Variants in DGKB observed in about 807,000 individuals in gnomAD.
DGKB encodes diacylglycerol kinase beta.
DGKB carries 67 observed loss-of-function variants against 114.3 expected under a neutral mutation model. The observed-to-expected ratio is 0.59, with a 90% CI of 0.48 to 0.72. DGKB has a LOEUF of 0.72. Among genes scored for constraint, DGKB ranks in the 30% least tolerant of loss-of-function variants. The pLI, the probability that DGKB is intolerant of heterozygous loss-of-function variation, is 0.00. For synonymous variants in DGKB, 398 were observed against 323.1 expected (o/e 1.23, Z -2.49); for missense variants, 907 against 975.2 (o/e 0.93, Z 0.93).
intron 3 of DGKB, among the ~76,000 whole-genome samples, chr7:14,756,302 T>A (rs1180974170): frequency 3.3e-5 from 5 of 152,058 alleles, no homozygotes; most frequent in Non-Finnish European, 7.4e-5. Flanking sequence ...TCTTTACGTT[T>A]CCCACCCTGC....
At chr7:14,372,767 A>C (rs1817864413) in intron 21 of DGKB, among the ~76,000 whole-genome samples, 2 of 152,090 alleles carry the variant, frequency 1.3e-5, no homozygotes, top group African/African-American at 4.8e-5. Flanking sequence ...AAATAGTATA[A>C]ATGGCTATTT....
rs1484872169 is a variant in DGKB at position 14,145,601 on chromosome 7, G to C, written c.*3530C>G. On this transcript the variant is annotated 3_prime_UTR_variant, in exon 26 of 26. Coordinates refer to ENST00000402815, the MANE Select transcript of DGKB (RefSeq NM_001350709.2). Reference sequence around the variant, plus strand: ...AGCCTCCCGAGTAGCTGGGATTACAGGCATGTGCCACCATGCCTGGCTAAT... The same window carrying C: ...AGCCTCCCGAGTAGCTGGGATTACACGCATGTGCCACCATGCCTGGCTAAT... 1.3e-5 allele frequency: 2 copies of C among 152,112 alleles called. No homozygotes were observed. The highest frequency in any genetic ancestry group is 4.8e-5 in the African/African-American group (2 of 41,398). The allele number at this position is 152,112 out of a possible 1,614,324, so 9.4% of individuals were successfully genotyped here. A position where few individuals can be genotyped will look rare whatever the true frequency, so the allele number is the denominator to read the frequency against.
At chr7:14,657,394 G>A (rs1419242122) in intron 13 of DGKB, among the ~76,000 whole-genome samples, 1 of 151,808 alleles carries the variant, frequency 6.6e-6, no homozygotes. Flanking sequence ...TCATTACTAT[G>A]ATGACAATTA....
At chr7:14,667,238 C>T (rs745747666) in intron 13 of DGKB, among the ~76,000 whole-genome samples, 1 of 151,766 alleles carries the variant, frequency 6.6e-6, no homozygotes, top group African/African-American at 2.4e-5. Context: ...TTTAATGACC[C>T]TGGAGAAGGT....
chr7:14,675,977 A>T (rs983986698), intron 12 of DGKB, among the ~76,000 whole-genome samples: 1 of 152,106 alleles, frequency 6.6e-6, no homozygotes, highest in Non-Finnish European at 1.5e-5. Flanking sequence ...TTTATGCATC[A>T]TATTTCTTGG....
At chr7:14,223,549 ATATG>A (rs1790327089) in intron 23 of DGKB, among the ~76,000 whole-genome samples, 1 of 151,820 alleles carries the variant, frequency 6.6e-6, no homozygotes, top group African/African-American at 2.4e-5. Context: ...AGGGCAATGA[ATATG>A]TATTTATACT....
intron 13 of DGKB, among the ~76,000 whole-genome samples, chr7:14,666,787 A>T (rs1818106094): frequency 6.6e-6 from 1 of 151,976 alleles, no homozygotes; most frequent in South Asian, 2.1e-4. Flanking sequence ...TTCTTAAAAA[A>T]AAGCATTCTA....
chr7:14,813,546 T>C (rs1843706341), intron 2 of DGKB, among the ~76,000 whole-genome samples: 1 of 152,168 alleles, frequency 6.6e-6, no homozygotes, highest in South Asian at 2.1e-4. Flanking sequence ...TATCTAACCT[T>C]TTTGCTTCAC....
intron 1 of DGKB, among the ~76,000 whole-genome samples, chr7:14,956,231 C>T (rs942561159): frequency 7.9e-5 from 12 of 151,984 alleles, no homozygotes; most frequent in African/African-American, 2.6e-4. Flanking sequence ...AGATTTCACA[C>T]ATTTTGATAA....
chr7:14,262,426 C>T (rs1463111490), intron 23 of DGKB, among the ~76,000 whole-genome samples: 5 of 152,142 alleles, frequency 3.3e-5, no homozygotes, highest in South Asian at 2.1e-4. Flanking sequence ...TGTGAGGACA[C>T]AATGAAAAGA....
intron 4 of DGKB, among the ~76,000 whole-genome samples, chr7:14,740,767 T>A (rs1198344484): frequency 1.3e-5 from 2 of 152,136 alleles, no homozygotes; most frequent in African/African-American, 4.8e-5. Context: ...AGGCAGTGAG[T>A]GCACGGGGAA....
chr7:14,348,967 A>G lies in DGKB; in HGVS notation c.1836-3576T>C, dbSNP rs143827732. ...AACAAAGTTAATGGTTTTAGACTTG[A>G]TCTTATGATTAAGAAGAAGCTGACA... On this transcript the variant is annotated intron_variant, in intron 21 of 25. Coordinates refer to ENST00000402815, the MANE Select transcript of DGKB (RefSeq NM_001350709.2). Among the ~76,000 whole-genome samples the G allele has an allele frequency of 1.7e-4, 26 of 152,116 alleles. No individual in the cohort carries two copies. In the East Asian group the frequency reaches 4.5e-3, roughly 26 times the overall value.
chr7:14,919,854 C>T, intron 1 of DGKB, among the ~76,000 whole-genome samples: 1 of 152,116 alleles, frequency 6.6e-6, no homozygotes, highest in East Asian at 1.9e-4. Context: ...CTCTCTCTTG[C>T]TCCTTTCCTC....
chr7:14,792,522 T>A (rs1840810365), intron 2 of DGKB, among the ~76,000 whole-genome samples: 7 of 152,228 alleles, frequency 4.6e-5, no homozygotes, highest in Admixed American at 4.6e-4. Context: ...AAATGAATCT[T>A]TTTTTTCTAA....
At chr7:14,149,818 TGTTA>T (rs997120331) in intron 25 of DGKB, among the ~76,000 whole-genome samples, 18 of 152,180 alleles carry the variant, frequency 1.2e-4, no homozygotes. Context: ...CTTTCTAATT[TGTTA>T]ATTAATTGGT....
At chr7:14,746,418 T>C (rs1244128388) in intron 4 of DGKB, among the ~76,000 whole-genome samples, 3 of 152,176 alleles carry the variant, frequency 2.0e-5, no homozygotes, top group Non-Finnish European at 4.4e-5. Context: ...GGGCACATAA[T>C]ATATAAAATA....
chr7:14,316,106 C>A (rs1806448161), intron 23 of DGKB, among the ~76,000 whole-genome samples: 1 of 150,772 alleles, frequency 6.6e-6, no homozygotes. Flanking sequence ...ACACAACATA[C>A]CAGAATCTCT....
At chr7:14,483,103 T>A (rs1354865202) in intron 20 of DGKB, among the ~76,000 whole-genome samples, 1 of 151,516 alleles carries the variant, frequency 6.6e-6, no homozygotes, top group East Asian at 2.1e-4. Context: ...TTTTATTACA[T>A]CATCTGTAGT....
intron 23 of DGKB, among the ~76,000 whole-genome samples, chr7:14,261,662 C>T (rs1053967199): frequency 6.6e-6 from 1 of 152,214 alleles, no homozygotes; most frequent in African/African-American, 2.4e-5. Flanking sequence ...TTGAGCAGCA[C>T]TTTCTTGCTT....
Sources: gnomAD v4.1 joint callset for allele counts (sites outside exome capture counted in the v4.1 genomes callset) on GRCh38, gnomAD v4.1.1 for gene constraint, MANE v1.5 for transcripts, NCBI Gene and HGNC (gene_info 2026-07-23, HGNC 2026-07-21) for gene names.